Variants in TMEM120A observed in about 807,000 individuals in gnomAD.
The protein encoded by TMEM120A is transmembrane protein 120A, also known as ion channel TACAN.
In TMEM120A, 45 loss-of-function variants were observed where a neutral mutation model predicts 54.3. The ratio of observed to expected loss-of-function variants is 0.83; its 90% confidence interval spans 0.65 to 1.06. The LOEUF is 1.06. Ranked by LOEUF, TMEM120A falls within the 50% of genes least tolerant of loss-of-function variation. The pLI is 0.00. For missense variants in TMEM120A, 424 were observed against 441.7 expected (o/e 0.96, Z 0.36); for synonymous variants, 204 against 178.5 (o/e 1.14, Z -1.14).
rs1789870670 is a variant in TMEM120A, at chr7:75,992,247, G to A, written c.214C>T (p.Leu72Phe). Residue 72 changes from leucine (L) to phenylalanine (F), a missense_variant, in exon 3 of 12, where the codon CTC becomes TTC. Leu to Phe is a conservative substitution (Grantham distance 22). Transcript: ENST00000493111. The stretch of plus-strand genomic sequence containing the variant: ...GCGGCCCCCTCGGCCTCTGCTGGGA[G>A]GGAGGGTTTGCATCTGCGGGTAAGG... Reference protein sequence around the residue: ...ALALKKCKPSLPAEAEGAAQE... With the variant: ...ALALKKCKPSFPAEAEGAAQE... 6.2e-7 allele frequency: 1 copy of A among 1,608,854 alleles called. No individual in the cohort carries two copies. The highest frequency in any genetic ancestry group is 1.1e-5 in the South Asian group (1 of 90,638).
chr7:75,989,212 G>A lies in TMEM120A; in HGVS notation c.330C>T (p.Ser110=), dbSNP rs1789737589. 6.4e-7 allele frequency: 1 copy of A among 1,565,634 alleles called. No homozygotes were observed. The highest frequency in any genetic ancestry group is 1.2e-5 in the South Asian group (1 of 85,072). The change falls in exon 4 of 12, where the codon AGC becomes AGT. Residue 110 remains serine, a synonymous_variant. Transcript: ENST00000493111. Reference sequence around the variant, plus strand: ...TGACGTTGACGTTCCCCAGAACCAGGCTCAGGTACAATCTAGGGAAGGGGG... The same window carrying A: ...TGACGTTGACGTTCCCCAGAACCAGACTCAGGTACAATCTAGGGAAGGGGG... The part of the protein sequence containing the change: ...YLPKKNGLYL[S]LVLGNVNVTL...
At chr7:75,988,021 G>A (rs781997945) in intron 7 of TMEM120A, 37 bp from the exon 8 acceptor site, 6 of 1,594,684 alleles carry the variant, frequency 3.8e-6, no homozygotes, top group Non-Finnish European at 5.1e-6. Flanking sequence ...GGGGACCCTT[G>A]GGGATGCCGT....
chr7:75,991,601 T>C (rs1461554158), intron 3 of TMEM120A, among the ~76,000 whole-genome samples: 1 of 152,074 alleles, frequency 6.6e-6, no homozygotes, highest in East Asian at 1.9e-4. Flanking sequence ...AGATGGGTTT[T>C]ACCATGTTGC....
chr7:75,990,640 C>G (rs1585144691), intron 3 of TMEM120A, among the ~76,000 whole-genome samples: 1 of 152,102 alleles, frequency 6.6e-6, no homozygotes, highest in Admixed American at 6.6e-5. Context: ...AATCCCAGCA[C>G]TTTGGGAGGC....
Position 75,987,739 on chromosome 7 carries a change from G to T in TMEM120A, c.763C>A (p.His255Asn), listed in dbSNP as rs782543570. 13 of 1,612,216 alleles carry T rather than the reference G, an allele frequency of 8.1e-6. No individual in the cohort carries two copies. The highest frequency in any genetic ancestry group is 1.7e-5 in the Admixed American group (1 of 59,956). The change falls in exon 9 of 12, where the codon CAC (histidine) becomes AAC (asparagine). Residue 255 changes from histidine (H) to asparagine (N), a missense_variant. Physicochemically the swap from His to Asn is moderately conservative, Grantham distance 68 (BLOSUM62 1). Coordinates refer to ENST00000493111, the MANE Select transcript of TMEM120A (RefSeq NM_031925.3). ...TCACCCACAGTGAGGTCCATGGTGTGCCGCTCGCCCAGCGCCCGCAGGCGG... is the reference window on the plus strand; with the variant it reads ...TCACCCACAGTGAGGTCCATGGTGTTCCGCTCGCCCAGCGCCCGCAGGCGG... ...LYRLRALGERHTMDLTVEGFQ... is the reference protein window; with the variant it reads ...LYRLRALGERNTMDLTVEGFQ...
In TMEM120A at chr7:75,994,081, C is replaced by T. The variant is rs373103605; in HGVS notation, c.81+409G>A. Among the ~76,000 whole-genome samples the T allele has an allele frequency of 7.9e-5, 12 of 152,192 alleles. No individual in the cohort carries two copies. The East Asian group carries it at 2.3e-3, about 30-fold the overall frequency. On this transcript the variant is annotated intron_variant, in intron 1 of 11. Coordinates refer to ENST00000493111, the MANE Select transcript of TMEM120A (RefSeq NM_031925.3). Reference sequence around the variant, plus strand: ...CCCTCTGCCTGGGGCGTCCCCCATCCAGGCCGAGGACACCCCCCTAAACGC... The same window carrying T: ...CCCTCTGCCTGGGGCGTCCCCCATCTAGGCCGAGGACACCCCCCTAAACGC...
chr7:75,991,184 G>A (rs929034426), intron 3 of TMEM120A, among the ~76,000 whole-genome samples: 7 of 152,014 alleles, frequency 4.6e-5, no homozygotes, highest in South Asian at 4.1e-4. Flanking sequence ...TGCCCCATCC[G>A]TCCTCCTGGG....
At chr7:75,992,283 T>A (rs1222783820) in intron 2 of TMEM120A, 23 bp from the exon 3 acceptor site, 62 of 1,590,852 alleles carry the variant, frequency 3.9e-5, no homozygotes, top group Non-Finnish European at 4.8e-5. Flanking sequence ...CCAGAAACAG[T>A]CAGGGCAAGA....
In TMEM120A at chr7:75,987,732, A is replaced by G. The variant is rs1789588049; in HGVS notation, c.770T>C (p.Met257Thr). Reference sequence around the variant, plus strand: ...TCCCGACTCACCCACAGTGAGGTCCATGGTGTGCCGCTCGCCCAGCGCCCG... The same window carrying G: ...TCCCGACTCACCCACAGTGAGGTCCGTGGTGTGCCGCTCGCCCAGCGCCCG... The part of the protein sequence containing the change: ...RLRALGERHT[M>T]DLTVEGFQSW... Residue 257 changes from methionine to threonine, a missense_variant, in exon 9 of 12, where the codon ATG becomes ACG. Physicochemically the swap from Met to Thr is moderately conservative, Grantham distance 81. Transcript: ENST00000493111. The G allele has an allele frequency of 1.2e-6, 2 of 1,612,246 alleles. No homozygotes were observed. Among genetic ancestry groups the G allele is most frequent in the Non-Finnish European group, 1.7e-6 (2 of 1,179,788 alleles).
chr7:75,994,453 G>A (rs1554562697), intron 1 of TMEM120A, 37 bp downstream of exon 1: 3 of 1,538,842 alleles, frequency 1.9e-6, no homozygotes, highest in South Asian at 1.2e-5. Flanking sequence ...AGCGAGACGC[G>A]GCTCGGGGGC....
Position 75,986,968 on chromosome 7 carries a change from AAC to A in TMEM120A, c.*202_*203del, listed in dbSNP as rs1207802392. The A allele has an allele frequency of 1.0e-5, 6 of 602,574 alleles. No homozygotes were observed. Among genetic ancestry groups the A allele is most frequent in the Non-Finnish European group, 1.8e-5 (6 of 339,934 alleles). 37.3% of individuals were successfully genotyped at this position (602,574 alleles called of 1,614,324 possible). ...ACCCAGCCCTCCCCTCCCCCAGGAG[AAC>A]ACACACGCTCAGGCCACCTCTGGGC... On this transcript the variant is annotated 3_prime_UTR_variant, in exon 12 of 12. Transcript: ENST00000493111.
Position 75,987,445 on chromosome 7 carries a change from C to T in TMEM120A, c.850-17G>A. 1.9e-6 allele frequency: 3 copies of T among 1,558,980 alleles called. No homozygotes were observed. The highest frequency in any genetic ancestry group is 1.2e-5 in the South Asian group (1 of 84,906). On this transcript the variant is annotated splice_polypyrimidine_tract_variant and intron_variant, in intron 10 of 11. Coordinates refer to ENST00000493111, the MANE Select transcript of TMEM120A (RefSeq NM_031925.3). ...CTGCCAGAACTAAGCAGGGAGGAGGCATTTTACTCAGAAGACCCAGTCCCT... is the reference window on the plus strand; with the variant it reads ...CTGCCAGAACTAAGCAGGGAGGAGGTATTTTACTCAGAAGACCCAGTCCCT...
chr7:75,990,576 C>T (rs1420673604), intron 3 of TMEM120A, among the ~76,000 whole-genome samples: 7 of 152,094 alleles, frequency 4.6e-5, no homozygotes, highest in African/African-American at 1.7e-4. Flanking sequence ...CCTCCACTCA[C>T]AGCCAAGCTC....
In TMEM120A at chr7:75,987,591, A is replaced by C. The variant is rs782117913; in HGVS notation, c.796T>G (p.Ser266Ala). 1.1e-5 allele frequency: 18 copies of C among 1,608,942 alleles called. No individual in the cohort carries two copies. The highest frequency in any genetic ancestry group is 5.0e-5 in the Admixed American group (3 of 59,406). The change falls in exon 10 of 12, where the codon TCC becomes GCC. Residue 266 changes from serine (S) to alanine (A), a missense_variant. By Grantham distance (99) the Ser-to-Ala change is moderately conservative. Transcript: ENST00000493111. Reference protein sequence around the residue: ...TMDLTVEGFQSWMWRGLTFLL... With the variant: ...TMDLTVEGFQAWMWRGLTFLL... ...AAGGTGAGGCCCCGCCACATCCAGG[A>C]CTGGAAGCCCTCTGCGGGGAGGAAG... is the stretch of plus-strand genomic sequence containing the variant.
In TMEM120A at chr7:75,989,221, C is replaced by G; in HGVS notation, c.321G>C (p.Leu107Phe). The change falls in exon 4 of 12, where the codon TTG (leucine) becomes TTC (phenylalanine). Residue 107 changes from leucine (L) to phenylalanine (F), a missense_variant. Coordinates refer to ENST00000493111, the MANE Select transcript of TMEM120A (RefSeq NM_031925.3). ...CGTTCCCCAGAACCAGGCTCAGGTA[C>G]AATCTAGGGAAGGGGGTGGCGGGGT... is the stretch of plus-strand genomic sequence containing the variant. The part of the protein sequence containing the change: ...MEAYLPKKNG[L>F]YLSLVLGNVN... 2.6e-6 allele frequency: 4 copies of G among 1,560,630 alleles called. No individual in the cohort carries two copies. Among genetic ancestry groups the G allele is most frequent in the Non-Finnish European group, 3.5e-6 (4 of 1,152,992 alleles).
At chr7:75,990,932 T>C (rs577280881) in intron 3 of TMEM120A, among the ~76,000 whole-genome samples, 99 of 149,386 alleles carry the variant, frequency 6.6e-4, no homozygotes, top group African/African-American at 2.0e-3. Context: ...TCTCCTAGAC[T>C]TGGCTGTCTC....
intron 2 of TMEM120A, 41 bp from the exon 3 acceptor site, chr7:75,992,301 C>A: frequency 6.4e-7 from 1 of 1,563,158 alleles, no homozygotes; most frequent in South Asian, 1.2e-5. Flanking sequence ...AGAGGACTCC[C>A]AAGTGTCCTC....
rs782705989 is a variant in TMEM120A, at chr7:75,992,283, TCA to T, written c.201-25_201-24del. On this transcript the variant is annotated intron_variant, in intron 2 of 11. Coordinates refer to ENST00000493111, the MANE Select transcript of TMEM120A (RefSeq NM_031925.3). ...CATCTGCGGGTAAGGCCAGAAACAG[TCA>T]GGGCAAGAGGACTCCCAAGTGTCCT... 5 of 1,590,970 alleles carry T rather than the reference TCA, an allele frequency of 3.1e-6. No homozygotes were observed. The South Asian group carries it at 5.7e-5, about 18-fold the overall frequency.
In TMEM120A at chr7:75,987,174, A is replaced by G; in HGVS notation, c.1030T>C (p.Ter344ArgextTer88). 1 of 1,597,382 alleles carries G rather than the reference A, an allele frequency of 6.3e-7. No homozygotes were observed. Among genetic ancestry groups the G allele is most frequent in the Non-Finnish European group, 8.5e-7 (1 of 1,172,962 alleles). Reference protein sequence around the residue: ...HSQRHGSKKD* With the variant: ...HSQRHGSKKDR ...GGCCGGCAGGGGAAGGCCCAGCCTC[A>G]ATCCTTCTTGCTCCCGTGCCGCTGA... The change falls in exon 12 of 12, where the codon TGA (stop) becomes CGA (arginine). Residue 344 changes from the stop codon to arginine (R), a stop_lost. Transcript: ENST00000493111.
Sources: allele counts gnomAD v4.1 joint callset (sites outside exome capture counted in the v4.1 genomes callset), GRCh38; gene constraint gnomAD v4.1.1; transcripts MANE v1.5; gene names NCBI Gene and HGNC (gene_info 2026-07-23, HGNC 2026-07-21).